The following ASPM variants were observed in gnomAD, a reference collection of about 807,000 sequenced individuals.
ASPM encodes the protein abnormal spindle-like microcephaly-associated protein.
ASPM carries 256 observed loss-of-function variants against 366.4 expected under a neutral mutation model. The observed-to-expected ratio is 0.70, with a 90% CI of 0.63 to 0.77. ASPM has a LOEUF of 0.77. ASPM is among the 30% of genes least tolerant of loss of function. The pLI is 0.00. For missense variants in ASPM, 4,146 were observed against 4,090.4 expected (o/e 1.01, Z -0.37); for synonymous variants, 1,414 against 1,342.9 (o/e 1.05, Z -1.16).
In ASPM at chr1:197,139,769, G is replaced by A; in HGVS notation, c.2024C>T (p.Thr675Ile). ...SSLTFIKPLK[T>I]DIPRHPMPFA... ...GTTTAAGTATAATAAATACTTGCCTGTTTTTAATGGTTTTATGAAGGTCAA... is the reference window on the plus strand; with the variant it reads ...GTTTAAGTATAATAAATACTTGCCTATTTTTAATGGTTTTATGAAGGTCAA... The change falls in exon 4 of 28, where the codon ACA becomes ATA. Residue 675 changes from threonine to isoleucine, a missense_variant and splice_region_variant. Around this residue, in one of 3 missense-constraint regions of ASPM, gnomAD observed 3,624 missense variants for 3,591.7 expected, o/e 1.01. Transcript: ENST00000367409. The A allele has an allele frequency of 6.3e-7, 1 of 1,590,066 alleles. No individual in the cohort carries two copies.
intron 21 of ASPM, among the ~76,000 whole-genome samples, chr1:197,092,487 A>G (rs1656816667): frequency 1.3e-5 from 2 of 151,970 alleles, no homozygotes; most frequent in African/African-American, 4.8e-5. Context: ...ACCCTGCAGA[A>G]GGAGCTTTCT....
chr1:197,095,930 T>C (rs1656960123), intron 19 of ASPM, 68 bp downstream of exon 19: 1 of 1,338,386 alleles, frequency 7.5e-7, no homozygotes, highest in Non-Finnish European at 1.0e-6. Context: ...AGCAGTGTTA[T>C]TTTATGTAAA....
chr1:197,122,581 T>G lies in ASPM; in HGVS notation c.3405A>C (p.Thr1135=). Reference sequence around the variant, plus strand: ...ACACACGGCCGTCTGAGAAAGACACTGTAAAATTCTCCACCTGATTGAAAA... The same window carrying G: ...ACACACGGCCGTCTGAGAAAGACACGGTAAAATTCTCCACCTGATTGAAAA... ...AFYNKKVENF[T]VSFSDGRVLC... Residue 1135 remains threonine, a synonymous_variant, in exon 14 of 28, where the codon ACA becomes ACC. Transcript: ENST00000367409. 5 of 1,606,750 alleles carry G rather than the reference T, an allele frequency of 3.1e-6. No individual in the cohort carries two copies. The highest frequency in any genetic ancestry group is 4.3e-6 in the Non-Finnish European group (5 of 1,176,032).
intron 10 of ASPM, 112 bp from the exon 11 acceptor site, chr1:197,125,303 G>C: frequency 1.5e-6 from 2 of 1,298,852 alleles, no homozygotes; most frequent in Non-Finnish European, 2.2e-6. Context: ...AGGGCTTTAT[G>C]ATCAGAAAGA....
chr1:197,125,867 C>T (rs1044317205), intron 10 of ASPM, among the ~76,000 whole-genome samples: 1 of 152,100 alleles, frequency 6.6e-6, no homozygotes, highest in Admixed American at 6.6e-5. Context: ...CTTATACAAC[C>T]ATAGTCTCTA....
chr1:197,093,114 C>T lies in ASPM; in HGVS notation c.9232G>A (p.Glu3078Lys). The T allele has an allele frequency of 6.2e-7, 1 of 1,612,220 alleles. No individual in the cohort carries two copies. The highest frequency in any genetic ancestry group is 1.1e-5 in the South Asian group (1 of 91,038). The change falls in exon 21 of 28, where the codon GAA becomes AAA. Residue 3078 changes from glutamate to lysine, a missense_variant. This residue lies in a region of ASPM where 3,624 missense variants were observed against 3,591.7 expected (regional missense o/e 1.01). Transcript: ENST00000367409. Reference sequence around the variant, plus strand: ...AGGATAACTGTAGATTTTTTAAATTCAATATATTTTATCCTTTCATGCTTT... The same window carrying T: ...AGGATAACTGTAGATTTTTTAAATTTAATATATTTTATCCTTTCATGCTTT... ...AGKHERIKYI[E>K]FKKSTVILQA... is the part of the protein sequence containing the mutation.
At position 197,103,784 on chromosome 1, in the gene ASPM, G is replaced by A. The variant is rs754909135; in HGVS notation, c.5467C>T (p.Gln1823Ter). The A allele has an allele frequency of 3.7e-6, 6 of 1,612,936 alleles. No individual in the cohort carries two copies. Among genetic ancestry groups the A allele is most frequent in the Non-Finnish European group, 5.1e-6 (6 of 1,179,398 alleles). ...RGYKVRQLIK[Q>*]QSIAALKIQS... Reference sequence around the variant, plus strand: ...ATTTTAAGAGCAGCTATAGATTGTTGTTTGATTAGCTGGCGTACTTTATAA... The same window carrying A: ...ATTTTAAGAGCAGCTATAGATTGTTATTTGATTAGCTGGCGTACTTTATAA... The change falls in exon 18 of 28, where the codon CAA (glutamine) becomes TAA (stop). Residue 1823 changes from glutamine (Q) to a stop codon, truncating the protein, a stop_gained. Coordinates refer to ENST00000367409, the MANE Select transcript of ASPM (RefSeq NM_018136.5). LOFTEE classifies it high-confidence loss of function.
chr1:197,129,296 T>G lies in ASPM; in HGVS notation c.2651A>C (p.Lys884Thr), dbSNP rs1430656889. The part of the protein sequence containing the change: ...YRDGHEEALS[K>T]FTLKKLLLLV... ...CAACAATAACTTTTTCAATGTAAAC[T>G]TGGACAAAGCTTCTTCATGACCTTA... The change falls in exon 9 of 28, where the codon AAG becomes ACG. Residue 884 changes from lysine (K) to threonine (T), a missense_variant. This residue lies in a region of ASPM where 3,624 missense variants were observed against 3,591.7 expected (regional missense o/e 1.01). Transcript: ENST00000367409. 1 of 1,613,148 alleles carries G rather than the reference T, an allele frequency of 6.2e-7. No individual in the cohort carries two copies. Among genetic ancestry groups the G allele is most frequent in the Non-Finnish European group, 8.5e-7 (1 of 1,179,406 alleles).
Position 197,106,499 on chromosome 1 carries a change from C to G in ASPM, c.4066-1314G>C, listed in dbSNP as rs115480229. On this transcript the variant is annotated intron_variant, in intron 17 of 27. Transcript: ENST00000367409. ...CCAACAGATATTTCTATGTAAAATCCTCAAACTAAGAAATTGAAGAATCAG... is the reference window on the plus strand; with the variant it reads ...CCAACAGATATTTCTATGTAAAATCGTCAAACTAAGAAATTGAAGAATCAG... Among the ~76,000 whole-genome samples, 967 of 152,028 alleles carry G rather than the reference C, an allele frequency of 6.4e-3. 12 individuals carry two copies. Among genetic ancestry groups the G allele is most frequent in the African/African-American group, 0.022 (929 of 41,500 alleles).
In ASPM at chr1:197,090,860, A is replaced by T; in HGVS notation, c.9626T>A (p.Ile3209Asn). 1 of 1,612,654 alleles carries T rather than the reference A, an allele frequency of 6.2e-7. No individual in the cohort carries two copies. Among genetic ancestry groups the T allele is most frequent in the Middle Eastern group, 1.7e-4 (1 of 6,056 alleles). Residue 3209 changes from isoleucine (I) to asparagine (N), a missense_variant, in exon 23 of 28, where the codon ATT (isoleucine) becomes AAT (asparagine). By Grantham distance (149) the Ile-to-Asn change is moderately radical. Transcript: ENST00000367409. ...KKQEKFTSGI[I>N]KIQALWRGYS... The stretch of plus-strand genomic sequence containing the variant: ...ACAAGTTTCAATTACCTGAATTTTA[A>T]TGATTCCACTAGTGAATTTTTCCTG...
At chr1:197,117,536 A>G (rs1281773037) in intron 17 of ASPM, among the ~76,000 whole-genome samples, 1 of 152,110 alleles carries the variant, frequency 6.6e-6, no homozygotes, top group Non-Finnish European at 1.5e-5. Flanking sequence ...ACAGCGTAGA[A>G]GACGCAACAA....
In ASPM at chr1:197,144,047, T is replaced by C; in HGVS notation, c.351A>G (p.Arg117=). ...CAAGAAATGTCATAATCTCTCTTAC[T>C]CGGCCTTCTTTGAGTGGTGTCCAGT... The part of the protein sequence containing the change: ...SVNWTPLKEG[R]VREIMTFLVN... Residue 117 remains arginine, a synonymous_variant, in exon 2 of 28, where the codon CGA becomes CGG. Coordinates refer to ENST00000367409, the MANE Select transcript of ASPM (RefSeq NM_018136.5). 6.2e-7 allele frequency: 1 copy of C among 1,610,938 alleles called. No individual in the cohort carries two copies. Among genetic ancestry groups the C allele is most frequent in the Non-Finnish European group, 8.5e-7 (1 of 1,177,340 alleles).
intron 17 of ASPM, among the ~76,000 whole-genome samples, chr1:197,109,351 A>T (rs756598871): frequency 3.9e-5 from 6 of 152,110 alleles, no homozygotes; most frequent in Non-Finnish European, 8.8e-5. Context: ...TAATATTTGA[A>T]TTTTATCCTT....
Position 197,129,973 on chromosome 1 carries a change from C to G in ASPM, c.2571G>C (p.Trp857Cys), listed in dbSNP as rs1658211968. 8.1e-6 allele frequency: 13 copies of G among 1,613,892 alleles called. No homozygotes were observed. Among genetic ancestry groups the G allele is most frequent in the Non-Finnish European group, 1.1e-5 (13 of 1,179,880 alleles). ...LAMFILNRLL[W>C]NPDIAAEYRH... The stretch of plus-strand genomic sequence containing the variant: ...TATACTCAGCTGCTATATCAGGATT[C>G]CAAAGTAGGCGATTCAGAATAAACA... Residue 857 changes from tryptophan (W) to cysteine (C), a missense_variant, in exon 8 of 28, where the codon TGG becomes TGC. By Grantham distance (215) the Trp-to-Cys change is radical. Transcript: ENST00000367409.
intron 4 of ASPM, chr1:197,139,015 C>A: frequency 1.4e-6 from 1 of 725,736 alleles, no homozygotes; most frequent in Non-Finnish European, 2.5e-6. Flanking sequence ...GCACTCTTGT[C>A]TTTTGGCTTC....
intron 17 of ASPM, among the ~76,000 whole-genome samples, chr1:197,115,907 A>G (rs900317018): frequency 1.3e-5 from 2 of 152,222 alleles, no homozygotes; most frequent in Non-Finnish European, 2.9e-5. Flanking sequence ...GCTTCAACTT[A>G]AAGTCACCAG....
At chr1:197,087,078 T>C in intron 26 of ASPM, 106 bp from the exon 27 acceptor site, 2 of 1,088,212 alleles carry the variant, frequency 1.8e-6, no homozygotes, top group South Asian at 1.5e-5. Context: ...TAAACCTTTT[T>C]TTTTTCTTTT....
chr1:197,137,021 C>T (rs1304492272), intron 4 of ASPM, among the ~76,000 whole-genome samples: 1 of 151,886 alleles, frequency 6.6e-6, no homozygotes, highest in African/African-American at 2.4e-5. Context: ...CTATTATTAC[C>T]TAAAAAGTCT....
chr1:197,100,774 CAAA>C lies in ASPM; in HGVS notation c.8474_8476del (p.Phe2825del), dbSNP rs780677950. ...TTCCAGTTTTCTTGTGACCATTCTA[CAAA>C]AAGCTTTTTGAATTGTTACTGCAGC... On this transcript the variant is annotated inframe_deletion, in exon 18 of 28. Transcript: ENST00000367409. The C allele has an allele frequency of 3.1e-6, 5 of 1,612,262 alleles. No homozygotes were observed. The South Asian group carries it at 5.5e-5, about 18-fold the overall frequency.
Sources: gnomAD v4.1 joint callset for allele counts (sites outside exome capture counted in the v4.1 genomes callset) on GRCh38, gnomAD v4.1.1 for gene constraint, gnomAD v4.1.1 regional missense constraint, MANE v1.5 for transcripts, NCBI Gene and HGNC (gene_info 2026-07-23, HGNC 2026-07-21) for gene names.